Variants in DTNA observed in about 807,000 individuals in gnomAD.
DTNA encodes the protein dystrophin-related protein 3.
Under a neutral mutation model 100.7 loss-of-function variants are expected in DTNA, and 43 were observed. The observed-to-expected ratio is 0.43, with a 90% confidence interval of 0.33 to 0.55. The LOEUF is 0.55. DTNA is among the 20% of genes least tolerant of loss of function. The pLI is 0.04. For synonymous variants in DTNA, 349 were observed against 347.9 expected (o/e 1.00, Z -0.04); for missense variants, 798 against 953.9 (o/e 0.84, Z 2.15).
chr18:34,675,182 A>C (rs1002285205), intron 1 of DTNA, among the ~76,000 whole-genome samples: 1 of 151,962 alleles, frequency 6.6e-6, no homozygotes, highest in African/African-American at 2.4e-5. Flanking sequence ...TAGTCCTATG[A>C]ATTTTCAGAT....
At chr18:34,610,357 TTAAG>T (rs1021973306) in intron 1 of DTNA, among the ~76,000 whole-genome samples, 4 of 152,112 alleles carry the variant, frequency 2.6e-5, no homozygotes, top group Non-Finnish European at 5.9e-5. Context: ...GCAGGAGAGA[TTAAG>T]TAATTATCCA....
At chr18:34,785,511 C>T (rs1394925573) in intron 3 of DTNA, among the ~76,000 whole-genome samples, 2 of 152,138 alleles carry the variant, frequency 1.3e-5, no homozygotes, top group Admixed American at 6.5e-5. Flanking sequence ...TTATATTTTA[C>T]TCTTTTCCCA....
rs142935223 is a variant in DTNA, at chr18:34,532,770, A to ATATGTG, written c.-2+39257_-2+39258insATGTGT. On this transcript the variant is annotated intron_variant, in intron 1 of 19. Transcript: ENST00000283365. Reference sequence around the variant, plus strand: ...ATATTTAAAACATATATATATATATATGTGTGTGTGTGTATGCATAGAACG... The same window carrying ATATGTG: ...ATATTTAAAACATATATATATATATATATGTGTGTGTGTGTGTGTATGCATAGAACG... Among the ~76,000 whole-genome samples, 1,346 of 149,842 alleles carry ATATGTG rather than the reference A, an allele frequency of 9.0e-3. 15 individuals carry two copies. The highest frequency in any genetic ancestry group is 0.015 in the Non-Finnish European group (1,006 of 67,390).
chr18:34,552,771 C>T (rs1415487504), intron 1 of DTNA, among the ~76,000 whole-genome samples: 1 of 150,684 alleles, frequency 6.6e-6, no homozygotes, highest in Non-Finnish European at 1.5e-5. Context: ...TTAATCCAGT[C>T]TATCATTGTT....
At chr18:34,566,350 A>G (rs1376994456) in intron 1 of DTNA, among the ~76,000 whole-genome samples, 1 of 152,098 alleles carries the variant, frequency 6.6e-6, no homozygotes, top group African/African-American at 2.4e-5. Context: ...TGCATTTGGG[A>G]ACTTTGATAT....
At chr18:34,692,678 G>A (rs2079943734) in intron 1 of DTNA, among the ~76,000 whole-genome samples, 1 of 152,166 alleles carries the variant, frequency 6.6e-6, no homozygotes, top group Non-Finnish European at 1.5e-5. Context: ...TGTTCAACAA[G>A]AGTTTAAAAG....
At chr18:34,669,578 C>T (rs1344406583) in intron 1 of DTNA, among the ~76,000 whole-genome samples, 1 of 152,192 alleles carries the variant, frequency 6.6e-6, no homozygotes, top group African/African-American at 2.4e-5. Context: ...TTGTCCCTTT[C>T]CATGTTTAGT....
intron 1 of DTNA, among the ~76,000 whole-genome samples, chr18:34,616,557 G>A: frequency 6.6e-6 from 1 of 152,172 alleles, no homozygotes; most frequent in East Asian, 1.9e-4. Context: ...TTAAAGTTGG[G>A]TAATGTGATG....
At chr18:34,619,008 C>T (rs768533106) in intron 1 of DTNA, among the ~76,000 whole-genome samples, 2 of 151,988 alleles carry the variant, frequency 1.3e-5, no homozygotes, top group Non-Finnish European at 2.9e-5. Flanking sequence ...AAGATAAATG[C>T]GATGAAGGTT....
At chr18:34,842,053 G>C (rs1315325695) in intron 13 of DTNA, among the ~76,000 whole-genome samples, 3 of 152,078 alleles carry the variant, frequency 2.0e-5, no homozygotes, top group Non-Finnish European at 4.4e-5. Context: ...CTCATTGCAG[G>C]AGAAGGAGTC....
At chr18:34,514,902 G>A (rs1450584781) in intron 1 of DTNA, among the ~76,000 whole-genome samples, 2 of 151,946 alleles carry the variant, frequency 1.3e-5, no homozygotes, top group East Asian at 1.9e-4. Context: ...TGAGTTTCAG[G>A]GGGACACAGA....
chr18:34,779,494 T>G (rs2094218869), intron 3 of DTNA, among the ~76,000 whole-genome samples: 1 of 152,206 alleles, frequency 6.6e-6, no homozygotes, highest in African/African-American at 2.4e-5. Context: ...AAACCCAGTT[T>G]TTATTTCATT....
At position 34,890,606 on chromosome 18, in the gene DTNA, A is replaced by G. The variant is rs1012226975; in HGVS notation, c.*2872A>G. On this transcript the variant is annotated 3_prime_UTR_variant, in exon 23 of 23. Coordinates refer to ENST00000444659, the MANE Select transcript of DTNA (RefSeq NM_001386795.1). ...ACAGCCAACCCTCCTCCACAGCGCC[A>G]TATTAATGGAGGAGGGGAGGAAGGT... 1.9e-5 allele frequency: 20 copies of G among 1,050,450 alleles called. No individual in the cohort carries two copies. The highest frequency in any genetic ancestry group is 2.7e-5 in the Non-Finnish European group (20 of 749,692). The allele number at this position is 1,050,450 out of a possible 1,614,324, so 65.1% of individuals were successfully genotyped here. A position where few individuals can be genotyped will look rare whatever the true frequency, so the allele number is the denominator to read the frequency against.
At chr18:34,541,091 G>C (rs1303281798) in intron 1 of DTNA, among the ~76,000 whole-genome samples, 1 of 151,912 alleles carries the variant, frequency 6.6e-6, no homozygotes, top group Non-Finnish European at 1.5e-5. Flanking sequence ...GAACACAATG[G>C]GACTTTAAAG....
Position 34,527,591 on chromosome 18 carries a change from A to T in DTNA, c.-2+34077A>T, listed in dbSNP as rs142161686. Among the ~76,000 whole-genome samples the T allele has an allele frequency of 2.9e-3, 439 of 152,196 alleles. 1 individual carries two copies. Among genetic ancestry groups the T allele is most frequent in the African/African-American group, 0.01 (422 of 41,562 alleles). On this transcript the variant is annotated intron_variant, in intron 1 of 19. Coordinates refer to the DTNA transcript ENST00000283365. ...AAAATATGTTGAGATATCACTGAAG[A>T]CATTGTTACTTGTTTAATGTTTTCA...
At chr18:34,738,905 G>C (rs921623988) in intron 1 of DTNA, among the ~76,000 whole-genome samples, 2 of 152,146 alleles carry the variant, frequency 1.3e-5, no homozygotes, top group Non-Finnish European at 2.9e-5. Flanking sequence ...TAATTCACTT[G>C]AACTGTTTTT....
rs1025894220 is a variant in DTNA at position 34,646,864 on chromosome 18, C to T, written c.-1-109112C>T. Among the ~76,000 whole-genome samples, 9 of 152,044 alleles carry T rather than the reference C, an allele frequency of 5.9e-5. No homozygotes were observed. The East Asian group carries it at 9.7e-4, about 16-fold the overall frequency. On this transcript the variant is annotated intron_variant, in intron 1 of 19. Transcript: ENST00000283365. ...CTGAGTCACTGGGATTACAGGCATG[C>T]GCCACCATGCCCAGCTAATTTTTGT...
At chr18:34,639,954 G>T (rs922448177) in intron 1 of DTNA, among the ~76,000 whole-genome samples, 24 of 152,240 alleles carry the variant, frequency 1.6e-4, no homozygotes, top group Non-Finnish European at 2.6e-4. Flanking sequence ...ACTGAGATGG[G>T]ATTAGGATAA....
At chr18:34,816,763 A>G (rs1315849779) in intron 7 of DTNA, among the ~76,000 whole-genome samples, 1 of 152,196 alleles carries the variant, frequency 6.6e-6, no homozygotes, top group East Asian at 1.9e-4. Context: ...GTCTCTATAT[A>G]TTACTCAACT....
Sources: allele counts gnomAD v4.1 joint callset (sites outside exome capture counted in the v4.1 genomes callset), GRCh38; gene constraint gnomAD v4.1.1; transcripts MANE v1.5; gene names NCBI Gene and HGNC (gene_info 2026-07-23, HGNC 2026-07-21).